The following IL17RD variants were observed in gnomAD, a reference collection of about 807,000 sequenced individuals.
The protein encoded by IL17RD is interleukin 17 receptor D, also known as interleukin-17 receptor D.
A neutral mutation model predicts 80.5 loss-of-function variants in IL17RD; 52 were observed. That is an observed-to-expected ratio of 0.65 (90% CI 0.52 to 0.81). IL17RD has a LOEUF of 0.81. Ranked by LOEUF, IL17RD falls within the 40% of genes least tolerant of loss-of-function variation. IL17RD has a pLI of 0.00. For missense variants in IL17RD, 1,024 were observed against 955.1 expected (o/e 1.07, Z -0.95); for synonymous variants, 416 against 391.8 (o/e 1.06, Z -0.73).
intron 5 of IL17RD, among the ~76,000 whole-genome samples, chr3:57,108,153 G>A (rs1340260422): frequency 2.0e-5 from 3 of 151,326 alleles, no homozygotes; most frequent in Admixed American, 1.3e-4. Flanking sequence ...TCCGCCTCCC[G>A]AGTTCAAGTG....
chr3:57,131,690 C>G (rs1447726622), intron 1 of IL17RD, among the ~76,000 whole-genome samples: 1 of 152,216 alleles, frequency 6.6e-6, no homozygotes. Context: ...CCCCTCATTA[C>G]CAAGACTCAC....
Position 57,165,297 on chromosome 3 carries a change from T to C in IL17RD, c.-11A>G. On this transcript the variant is annotated 5_prime_UTR_variant, in exon 1 of 13. Coordinates refer to ENST00000296318, the MANE Select transcript of IL17RD (RefSeq NM_017563.5). Reference sequence around the variant, plus strand: ...CAGCCACGGGGCCATGGCCGTGCGCTCGCCCAGCCAGGCCGTTCTCTGCGC... The same window carrying C: ...CAGCCACGGGGCCATGGCCGTGCGCCCGCCCAGCCAGGCCGTTCTCTGCGC... 7.0e-7 allele frequency: 1 copy of C among 1,438,460 alleles called. No individual in the cohort carries two copies. The highest frequency in any genetic ancestry group is 1.4e-5 in the South Asian group (1 of 70,734). 89.1% of individuals were successfully genotyped at this position (1,438,460 alleles called of 1,614,324 possible).
chr3:57,097,775 A>T lies in IL17RD; in HGVS notation c.1928T>A (p.Leu643Gln). Residue 643 changes from leucine to glutamine, a missense_variant, in exon 12 of 13, where the codon CTG becomes CAG. Physicochemically the swap from Leu to Gln is moderately radical, Grantham distance 113. Transcript: ENST00000296318. ...ARPALDGSAA[L>Q]QPLLHTVKAG... ...TTTCACCGTGTGCAGCAGGGGTTGC[A>T]GGGCGGCGCTACCGTCAAGGGCAGG... 1.2e-6 allele frequency: 2 copies of T among 1,602,550 alleles called. No homozygotes were observed. Among genetic ancestry groups the T allele is most frequent in the Non-Finnish European group, 1.7e-6 (2 of 1,174,072 alleles).
intron 2 of IL17RD, among the ~76,000 whole-genome samples, chr3:57,115,719 T>G (rs1707201730): frequency 6.6e-6 from 1 of 152,250 alleles, no homozygotes; most frequent in Admixed American, 6.5e-5. Context: ...GTAATTCTTA[T>G]GCTGCTTCAT....
intron 5 of IL17RD, among the ~76,000 whole-genome samples, chr3:57,107,536 G>T (rs1441991231): frequency 6.6e-6 from 1 of 152,184 alleles, no homozygotes. Context: ...CTCACAGGAG[G>T]GGATGTTGGA....
Position 57,127,369 on chromosome 3 carries a change from T to A in IL17RD, c.127-7056A>T, listed in dbSNP as rs56132342. On this transcript the variant is annotated intron_variant, in intron 1 of 12. Transcript: ENST00000296318. Reference sequence around the variant, plus strand: ...ATATAAATATATATAAATATAAATATATATATATAAATAAATAAATAAATA... The same window carrying A: ...ATATAAATATATATAAATATAAATAAATATATATAAATAAATAAATAAATA... Among the ~76,000 whole-genome samples, 94 of 85,876 alleles carry A rather than the reference T, an allele frequency of 1.1e-3. 2 individuals carry two copies. Among genetic ancestry groups the A allele is most frequent in the East Asian group, 4.9e-3 (12 of 2,448 alleles). The allele number at this position is 85,876 out of a possible 152,430, so 56.3% of individuals were successfully genotyped here.
At chr3:57,109,470 G>A in intron 5 of IL17RD, 67 bp downstream of exon 5, 1 of 1,566,090 alleles carries the variant, frequency 6.4e-7, no homozygotes, top group Non-Finnish European at 8.7e-7. Context: ...ACACATTTCT[G>A]TAGAAAAATC....
chr3:57,154,902 T>C (rs1446684841), intron 1 of IL17RD, among the ~76,000 whole-genome samples: 1 of 152,154 alleles, frequency 6.6e-6, no homozygotes, highest in Non-Finnish European at 1.5e-5. Flanking sequence ...AACCAGGACT[T>C]TTCCCACAGT....
chr3:57,113,974 A>T (rs1707156237), intron 3 of IL17RD, among the ~76,000 whole-genome samples: 1 of 151,918 alleles, frequency 6.6e-6, no homozygotes, highest in Admixed American at 6.5e-5. Flanking sequence ...TCACGAGGTC[A>T]GGAGTTTGAG....
In IL17RD at chr3:57,123,287, A is replaced by G. The variant is rs1579285964; in HGVS notation, c.127-2974T>C. On this transcript the variant is annotated intron_variant, in intron 1 of 12. Coordinates refer to ENST00000296318, the MANE Select transcript of IL17RD (RefSeq NM_017563.5). ...ACCTCAAGGGGCTCTGGCCACGTGC[A>G]TATCTGCCCTCGCTCCCCTGCTTTG... is the stretch of plus-strand genomic sequence containing the variant. 3.3e-5 allele frequency among the ~76,000 whole-genome samples: 5 copies of G among 152,182 alleles called. No individual in the cohort carries two copies. The South Asian group carries it at 1.0e-3, about 32-fold the overall frequency.
chr3:57,154,283 T>TACACATATACACAC (rs1553628628), intron 1 of IL17RD, among the ~76,000 whole-genome samples: 9 of 112,908 alleles, frequency 8.0e-5, no homozygotes, highest in Admixed American at 6.7e-4. Flanking sequence ...TATATATATA[T>TACACATATACACAC]ACACACACAC....
chr3:57,163,802 A>AGGGGGGGGG (rs1559489790), intron 1 of IL17RD, among the ~76,000 whole-genome samples: 1 of 7,406 alleles, frequency 1.4e-4, no homozygotes, highest in African/African-American at 6.3e-4. Context: ...GCGGGGGGGG[A>AGGGGGGGGG]AGGGGGTGGC....
At chr3:57,134,858 A>T (rs996234321) in intron 1 of IL17RD, 1 of 345,366 alleles carries the variant, frequency 2.9e-6, no homozygotes, top group Non-Finnish European at 5.6e-6. Context: ...TCAATCCTGC[A>T]ATCCCAGCAC....
At chr3:57,138,233 TA>T (rs142178946) in intron 1 of IL17RD, among the ~76,000 whole-genome samples, 2,247 of 152,224 alleles carry the variant, frequency 0.015, 54 homozygotes, top group African/African-American at 0.051. Context: ...ACTGTACATT[TA>T]AAATGGTTAA....
intron 1 of IL17RD, among the ~76,000 whole-genome samples, chr3:57,161,181 G>A (rs1445874404): frequency 2.0e-5 from 3 of 152,234 alleles, no homozygotes; most frequent in African/African-American, 7.2e-5. Flanking sequence ...CCAGGACTGA[G>A]TAATTTTTTA....
intron 12 of IL17RD, among the ~76,000 whole-genome samples, chr3:57,096,966 T>C (rs1706691888): frequency 6.8e-6 from 1 of 147,670 alleles, no homozygotes; most frequent in East Asian, 2.0e-4. Flanking sequence ...GCTGAGATCA[T>C]GCCATTGCAG....
At position 57,096,151 on chromosome 3, in the gene IL17RD, G is replaced by A. The variant is rs552706614; in HGVS notation, c.*242C>T. On this transcript the variant is annotated 3_prime_UTR_variant, in exon 13 of 13. Transcript: ENST00000296318. ...TCCAAGGACTAACCAAATTTGGCAA[G>A]CTGTTGTCAGACCTTATGGACATGC... The A allele has an allele frequency of 4.1e-6, 2 of 487,824 alleles. No individual in the cohort carries two copies. Among genetic ancestry groups the A allele is most frequent in the East Asian group, 3.5e-5 (1 of 28,556 alleles). 30.2% of individuals were successfully genotyped at this position (487,824 alleles called of 1,614,324 possible).
intron 1 of IL17RD, among the ~76,000 whole-genome samples, chr3:57,154,101 T>C (rs2060250376): frequency 2.6e-5 from 4 of 151,092 alleles, no homozygotes; most frequent in Admixed American, 2.6e-4. Flanking sequence ...AGTAAAAAAA[T>C]AGCCAAGCTT....
At chr3:57,154,321 C>T (rs2060253596) in intron 1 of IL17RD, among the ~76,000 whole-genome samples, 1 of 147,686 alleles carries the variant, frequency 6.8e-6, no homozygotes, top group Non-Finnish European at 1.5e-5. Flanking sequence ...CGTCATAAAT[C>T]CATTTAAAAT....
Sources: gnomAD v4.1 joint callset for allele counts (sites outside exome capture counted in the v4.1 genomes callset) on GRCh38, gnomAD v4.1.1 for gene constraint, MANE v1.5 for transcripts, NCBI Gene and HGNC (gene_info 2026-07-23, HGNC 2026-07-21) for gene names.